Variants in ABCC9 observed in about 807,000 individuals in gnomAD.
ABCC9 encodes the protein ATP binding cassette subfamily C member 9, also known as ATP-binding cassette sub-family C member 9.
ABCC9 carries 95 observed loss-of-function variants against 188.3 expected under a neutral mutation model. The ratio of observed to expected loss-of-function variants is 0.50; its 90% confidence interval spans 0.43 to 0.60. ABCC9 has a LOEUF of 0.60. Ranked by LOEUF, ABCC9 falls within the 20% of genes least tolerant of loss-of-function variation. The pLI is 0.00. For synonymous variants in ABCC9, 659 were observed against 652.7 expected (o/e 1.01, Z -0.15); for missense variants, 1,102 against 1,876.3 (o/e 0.59, Z 7.62).
chr12:21,840,046 G>C (rs73076354), intron 29 of ABCC9, among the ~76,000 whole-genome samples: 3,584 of 152,296 alleles, frequency 0.024, 57 homozygotes, highest in Non-Finnish European at 0.039. Flanking sequence ...GAAGGAGGAA[G>C]CTTTGTTTAT....
At chr12:21,880,583 G>A (rs1481658260) in intron 16 of ABCC9, among the ~76,000 whole-genome samples, 1 of 152,002 alleles carries the variant, frequency 6.6e-6, no homozygotes, top group East Asian at 1.9e-4. Context: ...AAACCCCAGT[G>A]GCCATTTTCA....
chr12:21,818,358 G>A lies in ABCC9; in HGVS notation c.3670-107C>T, dbSNP rs1342902728. 4 of 856,426 alleles carry A rather than the reference G, an allele frequency of 4.7e-6. No individual in the cohort carries two copies. In the African/African-American group the frequency reaches 6.6e-5, roughly 14 times the overall value. 53.1% of individuals were successfully genotyped at this position (856,426 alleles called of 1,614,324 possible). On this transcript the variant is annotated intron_variant, in intron 31 of 39. Coordinates refer to ENST00000261200, the MANE Select transcript of ABCC9 (RefSeq NM_020297.4). ...TAAGAGAATACACATCATTCCATGT[G>A]TGTCCTGTTAAGTTTCAGAGGAAGA...
intron 15 of ABCC9, among the ~76,000 whole-genome samples, chr12:21,883,812 C>A (rs1420473447): frequency 2.6e-5 from 4 of 151,904 alleles, no homozygotes; most frequent in Admixed American, 2.6e-4. Context: ...AATGTTATAG[C>A]CCTATTCCTA....
intron 18 of ABCC9, among the ~76,000 whole-genome samples, chr12:21,866,517 G>C (rs572559542): frequency 6.6e-6 from 1 of 152,094 alleles, no homozygotes; most frequent in African/African-American, 2.4e-5. Flanking sequence ...ACTTCCTCTT[G>C]GTTTCCCCTG....
intron 17 of ABCC9, 144 bp downstream of exon 17, chr12:21,875,510 G>C: frequency 3.2e-6 from 2 of 633,292 alleles, no homozygotes; most frequent in South Asian, 3.9e-5. Context: ...TGACACAGTG[G>C]CTCGCAAGCA....
chr12:21,904,665 C>G (rs1053494279), intron 12 of ABCC9, among the ~76,000 whole-genome samples: 6 of 152,074 alleles, frequency 3.9e-5, no homozygotes, highest in African/African-American at 1.2e-4. Context: ...GCAGCCAACA[C>G]ACACATGAAG....
intron 16 of ABCC9, among the ~76,000 whole-genome samples, chr12:21,880,226 C>T (rs1287390455): frequency 2.0e-5 from 3 of 152,006 alleles, no homozygotes; most frequent in Non-Finnish European, 2.9e-5. Context: ...CTACTTCATA[C>T]TAAACACAAA....
intron 5 of ABCC9, among the ~76,000 whole-genome samples, chr12:21,919,291 C>G (rs1948716781): frequency 6.6e-6 from 1 of 151,822 alleles, no homozygotes; most frequent in Admixed American, 6.6e-5. Flanking sequence ...CCTAGCTAGA[C>G]AGTTCAAGAA....
At chr12:21,852,072 A>G in intron 24 of ABCC9, 25 bp downstream of exon 24, 1 of 1,613,104 alleles carries the variant, frequency 6.2e-7, no homozygotes, top group South Asian at 1.1e-5. Flanking sequence ...TGGGCTCTGA[A>G]CTCTTCTGAA....
chr12:21,858,578 C>CA lies in ABCC9; in HGVS notation c.2505+1007dup, dbSNP rs11325700. 3.4e-3 allele frequency among the ~76,000 whole-genome samples: 465 copies of CA among 136,776 alleles called. 2 individuals are homozygous for CA. Among genetic ancestry groups the CA allele is most frequent in the African/African-American group, 0.01 (367 of 35,058 alleles). 89.7% of individuals were successfully genotyped at this position (136,776 alleles called of 152,430 possible). A position where few individuals can be genotyped will look rare whatever the true frequency, so the allele number is the denominator to read the frequency against. On this transcript the variant is annotated intron_variant, in intron 22 of 39. Coordinates refer to ENST00000261200, the MANE Select transcript of ABCC9 (RefSeq NM_020297.4). The stretch of plus-strand genomic sequence containing the variant: ...TGGGCAACAGAGCAAGAATCCATCT[C>CA]AAAAAAAAAAAAAAATCTACAATTA...
intron 4 of ABCC9, among the ~76,000 whole-genome samples, chr12:21,931,266 G>C (rs1949274985): frequency 6.6e-6 from 1 of 151,818 alleles, no homozygotes; most frequent in African/African-American, 2.4e-5. Context: ...TTTCCCCTTT[G>C]CTCTGCACTT....
intron 4 of ABCC9, among the ~76,000 whole-genome samples, chr12:21,929,234 TAATG>T (rs944593098): frequency 6.6e-5 from 10 of 152,008 alleles, no homozygotes; most frequent in Admixed American, 1.3e-4. Flanking sequence ...ATTTATAAAA[TAATG>T]AAGTATTTGA....
Position 21,841,347 on chromosome 12 carries a change from C to CTTTTTTT in ABCC9, c.3473+960_3473+966dup, listed in dbSNP as rs1174314931. ...TCTTTGGGATTATGTTTCTGGTTTC[C>CTTTTTTT]TTTTTTTTTTTTTTTTTTTTTTTTT... On this transcript the variant is annotated intron_variant, in intron 29 of 39. Transcript: ENST00000261200. Among the ~76,000 whole-genome samples, 14 of 19,604 alleles carry CTTTTTTT rather than the reference C, an allele frequency of 7.1e-4. 5 individuals carry two copies. The highest frequency in any genetic ancestry group is 7.9e-4 in the African/African-American group (3 of 3,810). The allele number at this position is 19,604 out of a possible 152,430, so 12.9% of individuals were successfully genotyped here.
At chr12:21,897,818 C>T (rs1947498696) in intron 12 of ABCC9, among the ~76,000 whole-genome samples, 1 of 150,444 alleles carries the variant, frequency 6.6e-6, no homozygotes. Context: ...TTACTGCTCT[C>T]CCCTAGGATG....
intron 12 of ABCC9, among the ~76,000 whole-genome samples, chr12:21,899,031 G>T (rs758615344): frequency 6.6e-6 from 1 of 152,026 alleles, no homozygotes. Flanking sequence ...TTAAAAAACT[G>T]CAAATATTTT....
chr12:21,806,118 G>T (rs1284867165), intron 38 of ABCC9, 58 bp from the exon 39 acceptor site: 3 of 1,495,816 alleles, frequency 2.0e-6, no homozygotes, highest in Non-Finnish European at 2.8e-6. Context: ...ATAATATTTT[G>T]CCCCAAGAAC....
intron 14 of ABCC9, 74 bp from the exon 15 acceptor site, chr12:21,888,008 A>G: frequency 1.9e-6 from 2 of 1,068,884 alleles, no homozygotes; most frequent in Non-Finnish European, 2.9e-6. Context: ...CTAAATAACG[A>G]CTTTAACACA....
chr12:21,843,209 A>T (rs953963468), intron 28 of ABCC9, among the ~76,000 whole-genome samples: 17 of 152,146 alleles, frequency 1.1e-4, no homozygotes, highest in Non-Finnish European at 5.9e-5. Context: ...TTTTAATATG[A>T]CCACCTCTAT....
chr12:21,840,419 C>G (rs144478310), intron 29 of ABCC9, among the ~76,000 whole-genome samples: 1 of 152,208 alleles, frequency 6.6e-6, no homozygotes, highest in Non-Finnish European at 1.5e-5. Flanking sequence ...TAACCATCCT[C>G]TCCATACTTT....
Sources: allele counts gnomAD v4.1 joint callset (sites outside exome capture counted in the v4.1 genomes callset), GRCh38; gene constraint gnomAD v4.1.1; transcripts MANE v1.5; gene names NCBI Gene and HGNC (gene_info 2026-07-23, HGNC 2026-07-21).